VAT1: variants seen among roughly 807,000 people sequenced by gnomAD.
The protein encoded by VAT1 is vesicle amine transport 1.
Under a neutral mutation model 33.3 loss-of-function variants are expected in VAT1, and 24 were observed. That is an observed-to-expected ratio of 0.72 (90% CI 0.52 to 1.01). The LOEUF (loss-of-function observed/expected upper bound fraction) is 1.01, where lower values mean the gene tolerates loss of function less well. Ranked by LOEUF, VAT1 falls within the 50% of genes least tolerant of loss-of-function variation. VAT1 has a pLI of 0.00. For missense variants in VAT1, 436 were observed against 533.7 expected (o/e 0.82, Z 1.80); for synonymous variants, 212 against 225.0 (o/e 0.94, Z 0.52).
Position 43,016,472 on chromosome 17 carries a change from C to T in VAT1, c.933G>A (p.Val311=). The change falls in exon 5 of 6, where the codon GTG becomes GTA. Residue 311 remains valine (V), a synonymous_variant. Transcript: ENST00000355653. Reference sequence around the variant, plus strand: ...TGGCCTGCAGCAGCTGCAGAGCTGTCACGCTGAACTGATTCCACCATGTCC... The same window carrying T: ...TGGCCTGCAGCAGCTGCAGAGCTGTTACGCTGAACTGATTCCACCATGTCC... ...LARTWWNQFS[V]TALQLLQANR... 6.2e-7 allele frequency: 1 copy of T among 1,614,176 alleles called. No homozygotes were observed. The highest frequency in any genetic ancestry group is 8.5e-7 in the Non-Finnish European group (1 of 1,180,032).
chr17:43,019,075 A>G, intron 1 of VAT1: 1 of 480,378 alleles, frequency 2.1e-6, no homozygotes, highest in Non-Finnish European at 3.8e-6. Flanking sequence ...TACTATCCTT[A>G]TCATCTTCTT....
chr17:43,018,773 G>A lies in VAT1; in HGVS notation c.414C>T (p.Asn138=). Residue 138 remains asparagine, a synonymous_variant, in exon 2 of 6, where the codon AAC becomes AAT. Transcript: ENST00000355653. ...RKAGDRVMVL[N]RSGMWQEEVT... is the part of the protein sequence containing the mutation. Reference sequence around the variant, plus strand: ...CCTCTTCCTGCCACATCCCTGACCGGTTCAACACCATCACCCGGTCTCCTG... The same window carrying A: ...CCTCTTCCTGCCACATCCCTGACCGATTCAACACCATCACCCGGTCTCCTG... The A allele has an allele frequency of 6.2e-7, 1 of 1,614,162 alleles. No homozygotes were observed. Among genetic ancestry groups the A allele is most frequent in the Non-Finnish European group, 8.5e-7 (1 of 1,180,046 alleles).
intron 2 of VAT1, 100 bp downstream of exon 2, chr17:43,018,492 C>T: frequency 2.2e-6 from 3 of 1,377,934 alleles, no homozygotes; most frequent in Non-Finnish European, 3.0e-6. Flanking sequence ...GCCAAGGCAG[C>T]CTGGTGTTGC....
chr17:43,018,089 A>G lies in VAT1; in HGVS notation c.713T>C (p.Ile238Thr). 6.2e-7 allele frequency: 1 copy of G among 1,613,874 alleles called. No individual in the cohort carries two copies. The highest frequency in any genetic ancestry group is 1.1e-5 in the South Asian group (1 of 91,078). ...CACGTAGTCAGTCGTGTGATAGTCG[A>G]TGGGATGTGTGACCCCATTCTCCTT... ...ALKENGVTHP[I>T]DYHTTDYVDE... The change falls in exon 3 of 6, where the codon ATC (isoleucine) becomes ACC (threonine). Residue 238 changes from isoleucine to threonine, a missense_variant. Physicochemically the swap from Ile to Thr is moderately conservative, Grantham distance 89. Transcript: ENST00000355653.
intron 3 of VAT1, 28 bp downstream of exon 3, chr17:43,018,008 C>T (rs545492939): frequency 6.2e-7 from 1 of 1,612,952 alleles, no homozygotes; most frequent in South Asian, 1.1e-5. Context: ...CTGTGCCTCC[C>T]TACCCCCTCC....
chr17:43,022,075 A>C lies in VAT1; in HGVS notation c.248T>G (p.Leu83Arg). The C allele has an allele frequency of 6.3e-7, 1 of 1,598,822 alleles. No individual in the cohort carries two copies. The highest frequency in any genetic ancestry group is 8.5e-7 in the Non-Finnish European group (1 of 1,174,154). ...TGCGAAGTTGAGCCCGCAGGCCCGCAGACGCAGCGTCAGCTGGCCGGGCCC... is the reference window on the plus strand; with the variant it reads ...TGCGAAGTTGAGCCCGCAGGCCCGCCGACGCAGCGTCAGCTGGCCGGGCCC... ...APGPGQLTLRLRACGLNFADL... is the reference protein window; with the variant it reads ...APGPGQLTLRRRACGLNFADL... Residue 83 changes from leucine (L) to arginine (R), a missense_variant, in exon 1 of 6, where the codon CTG (leucine) becomes CGG (arginine). Leu to Arg is a moderately radical substitution (Grantham distance 102, BLOSUM62 -2). Around this residue, in one of 2 missense-constraint regions of VAT1, gnomAD observed 154 missense variants for 128.3 expected, o/e 1.20. Coordinates refer to ENST00000355653, the MANE Select transcript of VAT1 (RefSeq NM_006373.4).
chr17:43,017,908 A>G lies in VAT1; in HGVS notation c.789T>C (p.Pro263=). ...SPKGVDIVMD[P]LGGSDTAKGY... is the part of the protein sequence containing the mutation. ...CCTTGGCAGTATCTGACCCACCCAG[A>G]GGGTCCATGACAATGTCCACTCCTG... is the stretch of plus-strand genomic sequence containing the variant. Residue 263 remains proline (P), a synonymous_variant, in exon 4 of 6, where the codon CCT becomes CCC. Coordinates refer to ENST00000355653, the MANE Select transcript of VAT1 (RefSeq NM_006373.4). The G allele has an allele frequency of 6.2e-7, 1 of 1,614,168 alleles. No individual in the cohort carries two copies. Among genetic ancestry groups the G allele is most frequent in the Non-Finnish European group, 8.5e-7 (1 of 1,180,018 alleles).
intron 1 of VAT1, among the ~76,000 whole-genome samples, chr17:43,021,101 C>T (rs1206901245): frequency 1.3e-5 from 2 of 152,140 alleles, no homozygotes; most frequent in Non-Finnish European, 2.9e-5. Context: ...ACCCCTGGCA[C>T]TGGGGTTTCT....
intron 1 of VAT1, among the ~76,000 whole-genome samples, chr17:43,019,181 T>C (rs879630647): frequency 7.2e-5 from 11 of 152,164 alleles, no homozygotes; most frequent in Admixed American, 2.0e-4. Flanking sequence ...CAAACTGCTG[T>C]GGTTACAAAA....
chr17:43,016,646 C>T, intron 4 of VAT1, 98 bp from the exon 5 acceptor site: 5 of 1,510,120 alleles, frequency 3.3e-6, no homozygotes, highest in South Asian at 2.6e-5. Context: ...TTGCAATTCT[C>T]CACACCAGTG....
rs371158421 is a variant in VAT1, at chr17:43,016,470, G to A, written c.935C>T (p.Thr312Ile). Residue 312 changes from threonine (T) to isoleucine (I), a missense_variant, in exon 5 of 6, where the codon ACA (threonine) becomes ATA (isoleucine). Thr to Ile is a moderately conservative substitution (Grantham distance 89). Coordinates refer to ENST00000355653, the MANE Select transcript of VAT1 (RefSeq NM_006373.4). ...ARTWWNQFSV[T>I]ALQLLQANRA... Reference sequence around the variant, plus strand: ...GTTGGCCTGCAGCAGCTGCAGAGCTGTCACGCTGAACTGATTCCACCATGT... The same window carrying A: ...GTTGGCCTGCAGCAGCTGCAGAGCTATCACGCTGAACTGATTCCACCATGT... 6 of 1,614,082 alleles carry A rather than the reference G, an allele frequency of 3.7e-6. No homozygotes were observed. Among genetic ancestry groups the A allele is most frequent in the Non-Finnish European group, 4.2e-6 (5 of 1,180,042 alleles).
intron 1 of VAT1, chr17:43,020,122 C>T (rs2050554486): frequency 1.0e-6 from 1 of 985,258 alleles, no homozygotes; most frequent in African/African-American, 1.7e-5. Context: ...CCAGATTTGA[C>T]CCAGAACAAG....
At chr17:43,017,768 C>A in intron 4 of VAT1, 73 bp downstream of exon 4, 1 of 1,419,112 alleles carries the variant, frequency 7.0e-7, no homozygotes, top group South Asian at 1.2e-5. Flanking sequence ...AAAGCCCTGG[C>A]CTCTATATCC....
In VAT1 at chr17:43,015,747, G is replaced by A. The variant is rs111878871; in HGVS notation, c.*314C>T. The A allele has an allele frequency of 7.0e-5, 31 of 443,114 alleles. 1 individual carries two copies. The East Asian group carries it at 1.3e-3, about 19-fold the overall frequency. The allele number at this position is 443,114 out of a possible 1,614,324, so 27.4% of individuals were successfully genotyped here. On this transcript the variant is annotated 3_prime_UTR_variant, in exon 6 of 6. Coordinates refer to ENST00000355653, the MANE Select transcript of VAT1 (RefSeq NM_006373.4). ...GGTGAAAGCACATGGAACACAACAG[G>A]GGGGACTGGCTAACCTTGGCACAAA...
In VAT1 at chr17:43,015,281, A is replaced by G. The variant is rs1417706462; in HGVS notation, c.*780T>C. 6.6e-6 allele frequency: 1 copy of G among 152,644 alleles called. No homozygotes were observed. The highest frequency in any genetic ancestry group is 1.5e-5 in the Non-Finnish European group (1 of 68,108). 9.5% of individuals were successfully genotyped at this position (152,644 alleles called of 1,614,324 possible). A position where few individuals can be genotyped will look rare whatever the true frequency, so the allele number is the denominator to read the frequency against. ...CACCAGAACAAGGAAGGCACTGGGG[A>G]GTACAGGGGAGGAGAAGGAGGTGGG... is the stretch of plus-strand genomic sequence containing the variant. On this transcript the variant is annotated 3_prime_UTR_variant, in exon 6 of 6. Transcript: ENST00000355653.
At position 43,016,375 on chromosome 17, in the gene VAT1, G is replaced by A. The variant is rs754722952; in HGVS notation, c.1030C>T (p.Arg344Cys). The A allele has an allele frequency of 2.5e-6, 4 of 1,613,172 alleles. No homozygotes were observed. The highest frequency in any genetic ancestry group is 1.3e-5 in the African/African-American group (1 of 75,050). ...EVELVSGVVA[R>C]LLALYNQGHI... ...CCCTGGTTGTACAGAGCCAGGAGGC[G>A]GGCCACCACACCACTGACCAGCTCC... Residue 344 changes from arginine to cysteine, a missense_variant, in exon 5 of 6, where the codon CGC becomes TGC. Arg to Cys is a radical substitution (Grantham distance 180). This residue lies in a region of VAT1 where 282 missense variants were observed against 405.4 expected (regional missense o/e 0.70). Transcript: ENST00000355653.
At position 43,015,860 on chromosome 17, in the gene VAT1, C is replaced by T. The variant is rs745526697; in HGVS notation, c.*201G>A. ...CCCTGTCGCCTTGGCAGGGCCCAGA[C>T]ATCCAAATGGTCACTTCCCAACCTC... On this transcript the variant is annotated 3_prime_UTR_variant, in exon 6 of 6. Coordinates refer to ENST00000355653, the MANE Select transcript of VAT1 (RefSeq NM_006373.4). 3.0e-6 allele frequency: 2 copies of T among 659,572 alleles called. No individual in the cohort carries two copies. Among genetic ancestry groups the T allele is most frequent in the Non-Finnish European group, 5.3e-6 (2 of 375,460 alleles). 40.9% of individuals were successfully genotyped at this position (659,572 alleles called of 1,614,324 possible). A position where few individuals can be genotyped will look rare whatever the true frequency, so the allele number is the denominator to read the frequency against.
rs1353417260 is a variant in VAT1, at chr17:43,016,091, G to A, written c.1152C>T (p.Leu384=). The A allele has an allele frequency of 6.2e-7, 1 of 1,614,162 alleles. No homozygotes were observed. Among genetic ancestry groups the A allele is most frequent in the Admixed American group, 1.7e-5 (1 of 60,018 alleles). Residue 384 remains leucine, a synonymous_variant, in exon 6 of 6, where the codon CTC becomes CTT. Transcript: ENST00000355653. ...TCTCCTTCTCTGGCCCTGGAACCAG[G>A]AGGACCTTGCCCACATTCTTCTTCT... ...MQEKKNVGKV[L]LVPGPEKEN
rs753495330 is a variant in VAT1 at position 43,018,818 on chromosome 17, A to G, written c.388-19T>C. 7.4e-6 allele frequency: 12 copies of G among 1,613,532 alleles called. No homozygotes were observed. The highest frequency in any genetic ancestry group is 1.6e-4 in the Middle Eastern group (1 of 6,082). On this transcript the variant is annotated intron_variant, in intron 1 of 5. Transcript: ENST00000355653. ...CTCCTGCCTTGAAGAACAGAAGAGT[A>G]TCATTCAGTCACTCATTCATTCACC... is the stretch of plus-strand genomic sequence containing the variant.
Sources: gnomAD v4.1 joint callset for allele counts (sites outside exome capture counted in the v4.1 genomes callset) on GRCh38, gnomAD v4.1.1 for gene constraint, gnomAD v4.1.1 regional missense constraint, MANE v1.5 for transcripts, NCBI Gene and HGNC (gene_info 2026-07-23, HGNC 2026-07-21) for gene names.